The following DOK6 variants were observed in gnomAD, a reference collection of about 807,000 sequenced individuals.
DOK6 encodes the protein docking protein 6, also known as downstream of tyrosine kinase 6.
Under a neutral mutation model 44.0 loss-of-function variants are expected in DOK6, and 22 were observed. The ratio of observed to expected loss-of-function variants is 0.50; its 90% CI spans 0.36 to 0.71. The LOEUF (loss-of-function observed/expected upper bound fraction) is 0.71. DOK6 is among the 30% of genes least tolerant of loss of function. The pLI is 0.00. For synonymous variants in DOK6, 166 were observed against 145.5 expected (o/e 1.14, Z -1.01); for missense variants, 340 against 416.4 (o/e 0.82, Z 1.60).
intron 1 of DOK6, among the ~76,000 whole-genome samples, chr18:69,446,122 A>G (rs1012462645): frequency 1.3e-5 from 2 of 151,900 alleles, no homozygotes; most frequent in Non-Finnish European, 2.9e-5. Context: ...TTTGTTACAT[A>G]TGTATACTTG....
At chr18:69,420,782 C>T (rs1390987203) in intron 1 of DOK6, among the ~76,000 whole-genome samples, 1 of 152,170 alleles carries the variant, frequency 6.6e-6, no homozygotes, top group Non-Finnish European at 1.5e-5. Context: ...ACCCTTACCC[C>T]AGAGGAGGTT....
chr18:69,501,187 A>G (rs985011652), intron 1 of DOK6, among the ~76,000 whole-genome samples: 16 of 152,132 alleles, frequency 1.1e-4, no homozygotes, highest in African/African-American at 3.9e-4. Context: ...TTTTTTTAGA[A>G]CTTATTTTAT....
chr18:69,791,643 T>C (rs1206695713), intron 7 of DOK6, among the ~76,000 whole-genome samples: 1 of 152,172 alleles, frequency 6.6e-6, no homozygotes, highest in Non-Finnish European at 1.5e-5. Context: ...CCTGATATAT[T>C]CTGGTTATTA....
intron 2 of DOK6, among the ~76,000 whole-genome samples, chr18:69,596,346 C>A (rs1983740030): frequency 6.6e-6 from 1 of 151,950 alleles, no homozygotes; most frequent in African/African-American, 2.4e-5. Context: ...GAAAGGTAGT[C>A]CTGATTAAAC....
intron 1 of DOK6, among the ~76,000 whole-genome samples, chr18:69,554,543 T>A (rs1234205404): frequency 6.6e-6 from 1 of 152,372 alleles, no homozygotes; most frequent in South Asian, 2.1e-4. Context: ...TGCCTAGTAT[T>A]CAACTATATA....
At chr18:69,771,412 C>G (rs906751167) in intron 7 of DOK6, among the ~76,000 whole-genome samples, 1 of 151,942 alleles carries the variant, frequency 6.6e-6, no homozygotes, top group African/African-American at 2.4e-5. Flanking sequence ...AACCATTGCT[C>G]TATTGTTTAG....
At chr18:69,742,024 CT>C (rs1978818504) in intron 6 of DOK6, among the ~76,000 whole-genome samples, 1 of 152,146 alleles carries the variant, frequency 6.6e-6, no homozygotes, top group Non-Finnish European at 1.5e-5. Flanking sequence ...AACCCACTTT[CT>C]TTGGGGGGCC....
intron 4 of DOK6, among the ~76,000 whole-genome samples, chr18:69,687,976 A>C (rs1383465883): frequency 6.6e-6 from 1 of 152,202 alleles, no homozygotes; most frequent in Non-Finnish European, 1.5e-5. Context: ...TATAGCTAAC[A>C]AGTGAATTCA....
At chr18:69,486,891 C>T (rs566704337) in intron 1 of DOK6, among the ~76,000 whole-genome samples, 19 of 152,236 alleles carry the variant, frequency 1.2e-4, no homozygotes, top group African/African-American at 3.9e-4. Context: ...ATACCATCTG[C>T]GGTTTATATA....
At chr18:69,466,963 T>C (rs1393864186) in intron 1 of DOK6, among the ~76,000 whole-genome samples, 1 of 152,124 alleles carries the variant, frequency 6.6e-6, no homozygotes, top group African/African-American at 2.4e-5. Context: ...CACTTTTCTT[T>C]TTTTCTTAAA....
intron 4 of DOK6, among the ~76,000 whole-genome samples, chr18:69,697,625 CA>C (rs60966414): frequency 2.1e-3 from 300 of 145,596 alleles, no homozygotes; most frequent in African/African-American, 5.5e-3. Context: ...TCTTATTTTT[CA>C]AAAAAAAAAA....
chr18:69,790,233 A>T (rs1278611281), intron 7 of DOK6, among the ~76,000 whole-genome samples: 3 of 99,542 alleles, frequency 3.0e-5, no homozygotes, highest in Non-Finnish European at 3.8e-5. Context: ...ACATGGACAC[A>T]GGGAGGGGAA....
chr18:69,645,487 T>C (rs1175317766), intron 3 of DOK6, among the ~76,000 whole-genome samples: 1 of 152,176 alleles, frequency 6.6e-6, no homozygotes, highest in African/African-American at 2.4e-5. Context: ...GTATCAGATA[T>C]AGCCATGATT....
intron 4 of DOK6, among the ~76,000 whole-genome samples, chr18:69,693,815 T>A (rs1986323390): frequency 6.6e-6 from 1 of 151,734 alleles, no homozygotes; most frequent in Non-Finnish European, 1.5e-5. Context: ...TCCCAGCAAT[T>A]TAGGAGGCAG....
chr18:69,748,528 C>A (rs1979063690), intron 6 of DOK6, among the ~76,000 whole-genome samples: 1 of 152,146 alleles, frequency 6.6e-6, no homozygotes, highest in African/African-American at 2.4e-5. Context: ...GTCTCTCAGA[C>A]CACAGTGCAA....
intron 3 of DOK6, among the ~76,000 whole-genome samples, chr18:69,671,891 T>A (rs1467304954): frequency 5.3e-5 from 8 of 152,200 alleles, no homozygotes; most frequent in African/African-American, 1.4e-4. Context: ...CTAGATCAAG[T>A]AAGTTTCCTG....
chr18:69,757,908 A>G, intron 7 of DOK6, 35 bp downstream of exon 7: 2 of 1,554,588 alleles, frequency 1.3e-6, no homozygotes, highest in Non-Finnish European at 1.8e-6. Context: ...CAGTGCCTCC[A>G]TAAGCTTCCT....
rs138164607 is a variant in DOK6 at position 69,683,945 on chromosome 18, C to A, written c.409+6092C>A. Among the ~76,000 whole-genome samples, 113 of 152,284 alleles carry A rather than the reference C, an allele frequency of 7.4e-4. 1 individual carries two copies. In the East Asian group the frequency reaches 0.02, roughly 26 times the overall value. ...TAACATGTATTCATATCCTGTGGGA[C>A]TTGTGTTCCACGAAACACATATTTA... On this transcript the variant is annotated intron_variant, in intron 4 of 7. Coordinates refer to ENST00000382713, the MANE Select transcript of DOK6 (RefSeq NM_152721.6).
At chr18:69,446,419 G>C (rs576150866) in intron 1 of DOK6, among the ~76,000 whole-genome samples, 2 of 152,030 alleles carry the variant, frequency 1.3e-5, no homozygotes, top group Admixed American at 1.3e-4. Context: ...GTATTCCATG[G>C]TGTATATGTG....
Sources: gnomAD v4.1 joint callset for allele counts (sites outside exome capture counted in the v4.1 genomes callset) on GRCh38, gnomAD v4.1.1 for gene constraint, MANE v1.5 for transcripts, NCBI Gene and HGNC (gene_info 2026-07-23, HGNC 2026-07-21) for gene names.